The following OTOF variants were observed in gnomAD, a reference collection of about 807,000 sequenced individuals.
OTOF encodes otoferlin.
In OTOF, 218 loss-of-function variants were observed where a neutral mutation model predicts 236.8. The observed-to-expected ratio is 0.92, with a 90% confidence interval of 0.82 to 1.03. OTOF has a LOEUF of 1.03. Among genes scored for constraint, OTOF ranks in the 50% least tolerant of loss-of-function variants. The pLI is 0.00. For synonymous variants in OTOF, 1,041 were observed against 1,072.5 expected (o/e 0.97, Z 0.57); for missense variants, 2,590 against 2,694.4 (o/e 0.96, Z 0.86).
rs749607730 is a variant in OTOF at position 26,463,471 on chromosome 2, C to T, written c.5192+12G>A. ...GCCGGAAGGGAGTAGCGCTGGGCCC[C>T]AGGCCGCTCACTTCTTGGGCTTCCG... On this transcript the variant is annotated intron_variant, in intron 41 of 46. Transcript: ENST00000272371. 2.5e-6 allele frequency: 4 copies of T among 1,586,584 alleles called. No individual in the cohort carries two copies. In the South Asian group the frequency reaches 3.4e-5, roughly 14 times the overall value.
At chr2:26,503,614 G>C (rs185830254) in intron 6 of OTOF, among the ~76,000 whole-genome samples, 158 bp downstream of exon 6, 1 of 152,206 alleles carries the variant, frequency 6.6e-6, no homozygotes, top group Non-Finnish European at 1.5e-5. Flanking sequence ...TCGGCCCTAG[G>C]GCGTCTCCTT....
chr2:26,546,944 T>G (rs1667347664), intron 1 of OTOF, among the ~76,000 whole-genome samples: 1 of 152,228 alleles, frequency 6.6e-6, no homozygotes, highest in Non-Finnish European at 1.5e-5. Context: ...AGGTTTTCTG[T>G]GAATAAAGAT....
chr2:26,548,281 T>C (rs915722484), intron 1 of OTOF, among the ~76,000 whole-genome samples: 1 of 152,236 alleles, frequency 6.6e-6, no homozygotes, highest in African/African-American at 2.4e-5. Context: ...TTTTATACTG[T>C]CCTTGGGTTT....
chr2:26,494,663 G>GC (rs150805853), intron 9 of OTOF, among the ~76,000 whole-genome samples: 7 of 142,438 alleles, frequency 4.9e-5, no homozygotes, highest in African/African-American at 7.8e-5. Context: ...GGGTGGGGGG[G>GC]GGTTCTTTCA....
chr2:26,552,720 T>G (rs1667492105), intron 1 of OTOF, among the ~76,000 whole-genome samples: 2 of 152,106 alleles, frequency 1.3e-5, no homozygotes, highest in African/African-American at 2.4e-5. Flanking sequence ...AAGATTTCCC[T>G]CAGGTGTGGT....
Position 26,464,893 on chromosome 2 carries a change from G to T in OTOF, c.4936C>A (p.Pro1646Thr), listed in dbSNP as rs17005371. Residue 1646 changes from proline to threonine, a missense_variant, in exon 39 of 47, where the codon CCC becomes ACC. Pro to Thr is a conservative substitution (Grantham distance 38). Around this residue, in one of 2 missense-constraint regions of OTOF, gnomAD observed 1,211 missense variants for 1,352.8 expected, o/e 0.90. Transcript: ENST00000272371. The part of the protein sequence containing the change: ...VKVANRVFTG[P>T]SEIEDENGQR... ...CCGTTCTCGTCCTCAATCTCAGAGG[G>T]CCCAGTGAAGACGCGGTTGGCCACC... is the stretch of plus-strand genomic sequence containing the variant. The T allele has an allele frequency of 9.0e-5, 144 of 1,601,030 alleles. 2 individuals are homozygous for T. The South Asian group carries it at 1.0e-3, about 12-fold the overall frequency.
intron 1 of OTOF, among the ~76,000 whole-genome samples, chr2:26,548,519 C>A (rs1667388016): frequency 6.6e-6 from 1 of 152,202 alleles, no homozygotes; most frequent in Admixed American, 6.5e-5. Context: ...AACCACAAAT[C>A]TCCTCTCTGT....
intron 1 of OTOF, among the ~76,000 whole-genome samples, chr2:26,547,074 A>T (rs1295426062): frequency 1.3e-5 from 2 of 152,220 alleles, no homozygotes; most frequent in Non-Finnish European, 2.9e-5. Flanking sequence ...TGCCTGACTC[A>T]TGATCTTAAT....
At chr2:26,469,370 G>A (rs922411771) in intron 32 of OTOF, among the ~76,000 whole-genome samples, 1 of 152,180 alleles carries the variant, frequency 6.6e-6, no homozygotes, top group Non-Finnish European at 1.5e-5. Context: ...ACTTGATGGT[G>A]GGAGACGAGA....
At chr2:26,501,093 G>A (rs1666106374) in intron 8 of OTOF, among the ~76,000 whole-genome samples, 2 of 152,276 alleles carry the variant, frequency 1.3e-5, no homozygotes, top group East Asian at 1.9e-4. Flanking sequence ...GCAATGGAGG[G>A]TCCCTGGGCC....
chr2:26,501,498 T>C (rs1023670986), intron 8 of OTOF, among the ~76,000 whole-genome samples: 1 of 152,248 alleles, frequency 6.6e-6, no homozygotes, highest in East Asian at 1.9e-4. Flanking sequence ...AGTCCAATAC[T>C]GAACATGAAA....
At chr2:26,472,445 A>G in intron 30 of OTOF, 74 bp downstream of exon 30, 1 of 1,580,866 alleles carries the variant, frequency 6.3e-7, no homozygotes, top group South Asian at 1.1e-5. Flanking sequence ...CGGGGCAGAT[A>G]GTCTGGTTCA....
chr2:26,478,056 G>T (rs115990917), intron 18 of OTOF: 56 of 1,430,172 alleles, frequency 3.9e-5, no homozygotes, highest in Non-Finnish European at 5.0e-5. Flanking sequence ...CGGGGCTCAG[G>T]GCTGGCCAGA....
intron 15 of OTOF, 73 bp downstream of exon 15, chr2:26,480,713 G>A: frequency 7.8e-7 from 1 of 1,280,596 alleles, no homozygotes. Context: ...GCAAAGCCTG[G>A]GACCCAGGTG....
chr2:26,462,130 G>C lies in OTOF; in HGVS notation c.5244C>G (p.Asp1748Glu), dbSNP rs780139913. The change falls in exon 42 of 47, where the codon GAC (aspartate) becomes GAG (glutamate). Residue 1748 changes from aspartate to glutamate, a missense_variant. Physicochemically the swap from Asp to Glu is conservative, Grantham distance 45. Transcript: ENST00000272371. This position sits in a 1 kb window ranked among gnomAD's most constrained non-coding sequence, Gnocchi z 4.7. ...ACTTCTCCCCTGTGAAGAAGTCGTCGTCCTCCAAGACCACCTCATCTGTGT... is the reference window on the plus strand; with the variant it reads ...ACTTCTCCCCTGTGAAGAAGTCGTCCTCCTCCAAGACCACCTCATCTGTGT... Reference protein sequence around the residue: ...IWNTDEVVLEDDDFFTGEKSS... With the variant: ...IWNTDEVVLEEDDFFTGEKSS... 6.2e-7 allele frequency: 1 copy of C among 1,613,784 alleles called. No homozygotes were observed. The highest frequency in any genetic ancestry group is 1.3e-5 in the African/African-American group (1 of 74,910).
In OTOF at chr2:26,470,810, A is replaced by C; in HGVS notation, c.3895-89T>G. On this transcript the variant is annotated intron_variant, in intron 31 of 46. Transcript: ENST00000272371. The surrounding 1 kb of genome is among the most constrained non-coding windows in gnomAD (Gnocchi z 4.3). ...TCCACCCATTCCGCCATCTGTCAGC[A>C]GGAAGCCTTGGGCTCCATGAGGCTC... 6.4e-7 allele frequency: 1 copy of C among 1,560,552 alleles called. No homozygotes were observed. Among genetic ancestry groups the C allele is most frequent in the African/African-American group, 1.4e-5 (1 of 73,700 alleles).
At position 26,558,612 on chromosome 2, in the gene OTOF, G is replaced by C. The variant is rs764392497; in HGVS notation, c.-41C>G. ...CTGGCACTGCCAGGCAGGAGCAGCG[G>C]GAAGGAGCTAGCCGGTGGAGCACGG... On this transcript the variant is annotated 5_prime_UTR_variant, in exon 1 of 47. Coordinates refer to ENST00000272371, the MANE Select transcript of OTOF (RefSeq NM_194248.3). The C allele has an allele frequency of 2.5e-5, 38 of 1,550,884 alleles. No individual in the cohort carries two copies. Among genetic ancestry groups the C allele is most frequent in the Non-Finnish European group, 3.3e-5 (37 of 1,123,360 alleles).
rs1243247038 is a variant in OTOF, at chr2:26,460,899, A to T, written c.5665T>A (p.Trp1889Arg). 5 of 1,614,138 alleles carry T rather than the reference A, an allele frequency of 3.1e-6. No homozygotes were observed. Among genetic ancestry groups the T allele is most frequent in the Non-Finnish European group, 2.5e-6 (3 of 1,180,014 alleles). ...SIFKQKRVKG[W>R]WPLLARNEND... ...TCATTGCGGGCCAGGAGGGGCCACC[A>T]GCCTTTGACGCGCTTTTGCTTGAAG... Residue 1889 changes from tryptophan (W) to arginine (R), a missense_variant, in exon 44 of 47, where the codon TGG (tryptophan) becomes AGG (arginine). Coordinates refer to ENST00000272371, the MANE Select transcript of OTOF (RefSeq NM_194248.3). The surrounding 1 kb of genome is among the most constrained non-coding windows in gnomAD (Gnocchi z 5.3).
chr2:26,498,900 T>G (rs1410308867), intron 8 of OTOF, among the ~76,000 whole-genome samples: 2 of 152,170 alleles, frequency 1.3e-5, no homozygotes, highest in Non-Finnish European at 2.9e-5. Flanking sequence ...AGATTTGCAT[T>G]TTCAGAAGTT....
Sources: allele counts gnomAD v4.1 joint callset (sites outside exome capture counted in the v4.1 genomes callset), GRCh38; gene constraint gnomAD v4.1.1; regional missense constraint gnomAD v4.1.1; non-coding constraint Gnocchi (gnomAD v3.1); transcripts MANE v1.5; gene names NCBI Gene and HGNC (gene_info 2026-07-23, HGNC 2026-07-21).